RGS6: variants seen among roughly 807,000 people sequenced by gnomAD.
RGS6 encodes the protein regulator of G-protein signaling 6.
A neutral mutation model predicts 78.5 loss-of-function variants in RGS6; 30 were observed. The observed-to-expected ratio is 0.38, with a 90% CI of 0.29 to 0.52. The LOEUF (loss-of-function observed/expected upper bound fraction) is 0.52. RGS6 is among the 20% of genes least tolerant of loss of function. The probability of loss-of-function intolerance (pLI) is 0.85; values close to 1 mark genes in which losing one functional copy is unlikely to be tolerated. For synonymous variants in RGS6, 206 were observed against 206.0 expected (o/e 1.00, Z 0.00); for missense variants, 495 against 609.7 (o/e 0.81, Z 1.98).
intron 2 of RGS6, among the ~76,000 whole-genome samples, chr14:72,233,675 C>T (rs1206315926): frequency 6.6e-6 from 1 of 152,170 alleles, no homozygotes; most frequent in Non-Finnish European, 1.5e-5. Flanking sequence ...TCTATACAAA[C>T]GTTCACAGTG....
At chr14:72,541,085 A>G (rs763478310) in intron 17 of RGS6, 1 of 1,355,964 alleles carries the variant, frequency 7.4e-7, no homozygotes, top group Non-Finnish European at 9.8e-7. Flanking sequence ...TGTACCATGA[A>G]CATCAAACCA....
chr14:72,306,643 G>A (rs1226667470), intron 2 of RGS6, among the ~76,000 whole-genome samples: 1 of 152,178 alleles, frequency 6.6e-6, no homozygotes, highest in Non-Finnish European at 1.5e-5. Context: ...TTCAGTGGAG[G>A]AAGTCACTGC....
chr14:72,285,339 G>A (rs2062342235), intron 2 of RGS6, among the ~76,000 whole-genome samples: 1 of 152,114 alleles, frequency 6.6e-6, no homozygotes, highest in Admixed American at 6.5e-5. Context: ...GGAGATAATT[G>A]AATCATGGGG....
intron 2 of RGS6, among the ~76,000 whole-genome samples, chr14:72,087,631 T>C (rs1423502961): frequency 6.6e-6 from 1 of 152,024 alleles, no homozygotes; most frequent in Non-Finnish European, 1.5e-5. Context: ...AATATACTTT[T>C]TTTTTTTTTA....
intron 2 of RGS6, among the ~76,000 whole-genome samples, chr14:71,976,754 T>C (rs2094153444): frequency 6.6e-6 from 1 of 151,886 alleles, no homozygotes; most frequent in Non-Finnish European, 1.5e-5. Context: ...CAGCATGATT[T>C]ATAGTCCTTT....
chr14:72,421,699 A>G (rs2094189178), intron 3 of RGS6: 1 of 152,224 alleles, frequency 6.6e-6, no homozygotes, highest in Non-Finnish European at 1.5e-5. Flanking sequence ...GTGGAGCACC[A>G]AGGGGAGAAA....
chr14:71,984,984 C>A (rs1378534344), intron 2 of RGS6, among the ~76,000 whole-genome samples: 1 of 152,168 alleles, frequency 6.6e-6, no homozygotes, highest in Non-Finnish European at 1.5e-5. Flanking sequence ...TCCTCCCAGT[C>A]CTTGAATATG....
the RGS6 span, among the ~76,000 whole-genome samples, chr14:71,927,354 A>G: frequency 1.6e-4 from 24 of 152,228 alleles, no homozygotes; most frequent in Admixed American, 3.9e-4. Context: ...ATATAAACAC[A>G]TTCATTCTCA....
intron 2 of RGS6, among the ~76,000 whole-genome samples, chr14:72,269,566 AATTTT>A (rs781734329): frequency 9.4e-5 from 2 of 21,306 alleles, no homozygotes; most frequent in Non-Finnish European, 1.9e-4. Flanking sequence ...ACCTATCTTA[AATTTT>A]TTTTTTTTTT....
chr14:72,186,967 G>T (rs1157613505), intron 2 of RGS6, among the ~76,000 whole-genome samples: 3 of 152,194 alleles, frequency 2.0e-5, no homozygotes, highest in Non-Finnish European at 4.4e-5. Context: ...ACCTTCAGGT[G>T]AAAGGGTCAG....
At chr14:72,380,553 A>G (rs1352447877) in intron 3 of RGS6, among the ~76,000 whole-genome samples, 1 of 152,052 alleles carries the variant, frequency 6.6e-6, no homozygotes, top group Non-Finnish European at 1.5e-5. Context: ...ACAAGTGACC[A>G]AAAAATACAT....
intron 10 of RGS6, among the ~76,000 whole-genome samples, chr14:72,475,864 G>T (rs76369709): frequency 0.013 from 1,563 of 124,926 alleles, 28 homozygotes; most frequent in African/African-American, 0.047. Flanking sequence ...TAGACATGGC[G>T]TATGTATATA....
Position 72,354,471 on chromosome 14 carries a change from C to CAAA in RGS6, c.184+2291_184+2293dup, listed in dbSNP as rs56117958. 7.6e-3 allele frequency among the ~76,000 whole-genome samples: 980 copies of CAAA among 128,338 alleles called. 17 individuals carry two copies. Among genetic ancestry groups the CAAA allele is most frequent in the African/African-American group, 0.024 (868 of 36,140 alleles). 84.2% of individuals were successfully genotyped at this position (128,338 alleles called of 152,430 possible). A position where few individuals can be genotyped will look rare whatever the true frequency, so the allele number is the denominator to read the frequency against. On this transcript the variant is annotated intron_variant, in intron 3 of 17. Coordinates refer to ENST00000553525, the MANE Select transcript of RGS6 (RefSeq NM_001204424.2). ...CAAAACCCTGTCTCTACTAAAAATA[C>CAAA]AAAAAAAAAAAAAAAATAGCTGGGT...
chr14:72,539,612 T>A (rs992530337), intron 16 of RGS6, among the ~76,000 whole-genome samples: 12 of 152,170 alleles, frequency 7.9e-5, no homozygotes, highest in Admixed American at 7.9e-4. Context: ...GCCAGTCTGT[T>A]CTGTGTCAGG....
intron 17 of RGS6, among the ~76,000 whole-genome samples, chr14:72,549,247 T>G (rs376688345): frequency 4.6e-4 from 46 of 100,224 alleles, no homozygotes; most frequent in South Asian, 1.7e-3. Flanking sequence ...CTGTTTTTTG[T>G]TTTTTTTTTT....
chr14:72,070,073 A>G (rs2094348105), intron 2 of RGS6, among the ~76,000 whole-genome samples: 1 of 152,144 alleles, frequency 6.6e-6, no homozygotes, highest in African/African-American at 2.4e-5. Context: ...TTACTAAACT[A>G]TACATTTTGT....
intron 2 of RGS6, among the ~76,000 whole-genome samples, chr14:71,984,583 G>A (rs2153149796): frequency 6.6e-6 from 1 of 152,248 alleles, no homozygotes; most frequent in Non-Finnish European, 1.5e-5. Flanking sequence ...GGTAGGAGTT[G>A]GCTGGTGGAA....
the RGS6 span, among the ~76,000 whole-genome samples, chr14:71,879,689 A>G: frequency 3.9e-5 from 6 of 152,134 alleles, no homozygotes; most frequent in Non-Finnish European, 8.8e-5. Context: ...TTCGCCTTCT[A>G]CTATGATTGT....
At chr14:72,171,561 G>C (rs1260514882) in intron 2 of RGS6, among the ~76,000 whole-genome samples, 3 of 152,152 alleles carry the variant, frequency 2.0e-5, no homozygotes, top group Non-Finnish European at 4.4e-5. Flanking sequence ...AAAATATCTT[G>C]AGGGTGATCT....
Sources: gnomAD v4.1 joint callset for allele counts (sites outside exome capture counted in the v4.1 genomes callset) on GRCh38, gnomAD v4.1.1 for gene constraint, MANE v1.5 for transcripts, NCBI Gene and HGNC (gene_info 2026-07-23, HGNC 2026-07-21) for gene names.